The following ZNF469 variants were observed in gnomAD, a reference collection of about 807,000 sequenced individuals.
ZNF469 encodes the protein zinc finger protein 469.
Under a neutral mutation model 1.0 loss-of-function variants are expected in ZNF469, and 1 was observed. That is an observed-to-expected ratio of 1.00 (90% CI 0.35 to 4.73). The LOEUF is 4.73. Ranked by LOEUF, ZNF469 falls within the 30% of genes most tolerant of loss-of-function variation. The probability of loss-of-function intolerance (pLI) is 0.16; values close to 1 mark genes in which losing one functional copy is unlikely to be tolerated. For synonymous variants in ZNF469, 2,703 were observed against 2,363.4 expected (o/e 1.14, Z -4.17); for missense variants, 6,100 against 5,356.3 (o/e 1.14, Z -4.33).
At chr16:88,381,362 A>G (rs1016422521), upstream of ZNF469, among the ~76,000 whole-genome samples, 4 of 148,650 alleles carry the variant, frequency 2.7e-5, no homozygotes, top group African/African-American at 1.0e-4. Context: ...TTATACACAC[A>G]TGCACTCACA....
chr16:88,154,966 C>G, the ZNF469 span, among the ~76,000 whole-genome samples: 1 of 152,302 alleles, frequency 6.6e-6, no homozygotes, highest in East Asian at 1.9e-4. Flanking sequence ...AGGGTTCAAC[C>G]CGTGCTTTAA....
intron 1 of ZNF469, among the ~76,000 whole-genome samples, chr16:88,407,280 C>A (rs1056158129): frequency 6.5e-5 from 7 of 107,084 alleles, no homozygotes; most frequent in Non-Finnish European, 2.1e-5. Context: ...TCCAGGGATC[C>A]GTCCGGAACC....
At chr16:88,246,454 G>T in the ZNF469 span, among the ~76,000 whole-genome samples, 1 of 152,184 alleles carries the variant, frequency 6.6e-6, no homozygotes, top group Admixed American at 6.5e-5. Flanking sequence ...GGGAGAATTT[G>T]TTGAAGGACC....
the ZNF469 span, among the ~76,000 whole-genome samples, chr16:88,312,719 G>C: frequency 1.3e-5 from 2 of 152,114 alleles, no homozygotes; most frequent in African/African-American, 4.8e-5. Context: ...CTTTGTCTAG[G>C]GGGTGAGCCA....
the ZNF469 span, among the ~76,000 whole-genome samples, chr16:88,177,023 C>T: frequency 1.4e-4 from 21 of 152,308 alleles, no homozygotes; most frequent in South Asian, 3.9e-3. This position sits in a 1 kb window ranked among gnomAD's most constrained non-coding sequence, Gnocchi z 4.8. Context: ...ATAGAAACCT[C>T]GAGGCAAAGG....
rs904689767 is a variant in ZNF469, at chr16:88,438,351, G to A, written c.10881G>A (p.Pro3627=). 3.2e-5 allele frequency: 49 copies of A among 1,550,190 alleles called. No homozygotes were observed. Among genetic ancestry groups the A allele is most frequent in the Admixed American group, 1.4e-4 (7 of 51,004 alleles). The change falls in exon 3 of 3, where the codon CCG becomes CCA. Residue 3627 remains proline (P), a synonymous_variant. Coordinates refer to ENST00000565624, the MANE Select transcript of ZNF469 (RefSeq NM_001367624.2). Reference sequence around the variant, plus strand: ...TGTTCTCAGGGAAACGCAGGGCCCCGGGTGCCCGTGGCAGGTGTGCCCCTG... The same window carrying A: ...TGTTCTCAGGGAAACGCAGGGCCCCAGGTGCCCGTGGCAGGTGTGCCCCTG... ...PLVFSGKRRA[P]GARGRCAPDH... is the part of the protein sequence containing the mutation.
chr16:88,168,930 C>G, the ZNF469 span, among the ~76,000 whole-genome samples: 4 of 151,642 alleles, frequency 2.6e-5, 1 homozygote, highest in South Asian at 4.2e-4. This position sits in a 1 kb window ranked among gnomAD's most constrained non-coding sequence, Gnocchi z 4.3. Context: ...ACCCCCCCCT[C>G]TACAAAAAAT....
chr16:88,368,602 C>T, the ZNF469 span, among the ~76,000 whole-genome samples: 1 of 150,986 alleles, frequency 6.6e-6, no homozygotes, highest in Non-Finnish European at 1.5e-5. Flanking sequence ...GAGAAAGAGT[C>T]GCCTGGGAGA....
the ZNF469 span, among the ~76,000 whole-genome samples, chr16:88,193,139 TGATGGTGGTGGGGATG>T: frequency 8.7e-5 from 2 of 23,072 alleles, 1 homozygote; most frequent in Non-Finnish European, 1.7e-4. Flanking sequence ...GTGATGGTGG[TGATGGTGGTGGGGATG>T]GTGGTGATGG....
chr16:88,250,485 T>G, the ZNF469 span, among the ~76,000 whole-genome samples: 2 of 152,202 alleles, frequency 1.3e-5, no homozygotes, highest in African/African-American at 4.8e-5. Flanking sequence ...CTGCCCGGGC[T>G]TCACTGAGAT....
the ZNF469 span, among the ~76,000 whole-genome samples, chr16:88,185,887 CTT>C: frequency 6.8e-4 from 103 of 152,228 alleles, no homozygotes; most frequent in African/African-American, 2.3e-3. Context: ...CACACACACA[CTT>C]ATGTGCGCAG....
intron 1 of ZNF469, among the ~76,000 whole-genome samples, chr16:88,388,967 C>T (rs1052589218): frequency 6.6e-6 from 1 of 152,264 alleles, no homozygotes; most frequent in African/African-American, 2.4e-5. Flanking sequence ...GGGCCATCCT[C>T]TGTGCCTTAC....
chr16:88,117,628 A>ACGGACCG, the ZNF469 span, among the ~76,000 whole-genome samples: 16 of 19,626 alleles, frequency 8.2e-4, no homozygotes, highest in African/African-American at 6.0e-3. Flanking sequence ...ACGTGTCTTC[A>ACGGACCG]TGGACCGTGG....
At chr16:88,397,708 C>T (rs1266919172) in intron 1 of ZNF469, among the ~76,000 whole-genome samples, 13 of 124,174 alleles carry the variant, frequency 1.0e-4, no homozygotes, top group African/African-American at 3.5e-4. Flanking sequence ...TAGATATATA[C>T]GCGAGGAAAG....
At chr16:88,245,478 A>G in the ZNF469 span, among the ~76,000 whole-genome samples, 1 of 152,260 alleles carries the variant, frequency 6.6e-6, no homozygotes. Flanking sequence ...CACTGCTGTC[A>G]TCTCCCTCTG....
chr16:88,357,027 TGCCCGGCCA>T, the ZNF469 span, among the ~76,000 whole-genome samples: 1 of 152,302 alleles, frequency 6.6e-6, no homozygotes, highest in Non-Finnish European at 1.5e-5. Context: ...AGCTGCAGGG[TGCCCGGCCA>T]GCCCCGGTTA....
chr16:88,425,327 G>T (rs1466643868), intron 2 of ZNF469, among the ~76,000 whole-genome samples: 5 of 152,200 alleles, frequency 3.3e-5, no homozygotes, highest in Admixed American at 2.6e-4. Flanking sequence ...CCATGGGTAG[G>T]GGGGTCTGAC....
At position 88,435,135 on chromosome 16, in the gene ZNF469, C is replaced by T; in HGVS notation, c.7665C>T (p.Ala2555=). ...DPSHVTQPPP[A]QGSKEVLRAP... ...GCCACGTCACCCAGCCACCGCCTGC[C>T]CAGGGCTCAAAGGAGGTTCTCAGAG... The change falls in exon 3 of 3, where the codon GCC becomes GCT. Residue 2555 remains alanine, a synonymous_variant. Transcript: ENST00000565624. The T allele has an allele frequency of 6.4e-7, 1 of 1,550,402 alleles. No individual in the cohort carries two copies. The highest frequency in any genetic ancestry group is 1.2e-5 in the South Asian group (1 of 84,060).
At chr16:88,195,103 G>A in the ZNF469 span, 2 of 152,228 alleles carry the variant, frequency 1.3e-5, no homozygotes, top group Non-Finnish European at 1.5e-5. Flanking sequence ...GGAGGTGATG[G>A]GCTTCAAGGC....
Sources: gnomAD v4.1 joint callset for allele counts (sites outside exome capture counted in the v4.1 genomes callset) on GRCh38, gnomAD v4.1.1 for gene constraint, Gnocchi (gnomAD v3.1) non-coding constraint, MANE v1.5 for transcripts, NCBI Gene and HGNC (gene_info 2026-07-23, HGNC 2026-07-21) for gene names.